Variants in GTF2H5 observed in about 807,000 individuals in gnomAD.
GTF2H5 encodes the protein general transcription factor IIH subunit 5.
A neutral mutation model predicts 7.1 loss-of-function variants in GTF2H5; 5 were observed. The observed-to-expected ratio is 0.71, with a 90% CI of 0.37 to 1.49. The LOEUF is 1.49. Ranked by LOEUF, GTF2H5 falls within the 40% of genes most tolerant of loss-of-function variation. GTF2H5 has a pLI of 0.03. For synonymous variants in GTF2H5, 30 were observed against 31.7 expected, an observed-to-expected ratio of 0.95 and a Z score of 0.18; for missense variants, 80 against 83.0, an observed-to-expected ratio of 0.96 and a Z score of 0.14.
At chr6:158,169,298 T>C (rs1314959832) in intron 1 of GTF2H5, among the ~76,000 whole-genome samples, 7 of 123,210 alleles carry the variant, frequency 5.7e-5, no homozygotes, top group Non-Finnish European at 1.1e-4. Context: ...ATTTATTTTA[T>C]ATATAATATA....
chr6:158,176,260 A>G (rs1228798735), intron 2 of GTF2H5, among the ~76,000 whole-genome samples: 2 of 151,882 alleles, frequency 1.3e-5, no homozygotes, highest in East Asian at 3.9e-4. Flanking sequence ...ACGGAGTCTC[A>G]CTGTCACCCA....
intron 2 of GTF2H5, among the ~76,000 whole-genome samples, chr6:158,185,540 CAAA>C (rs35857314): frequency 2.6e-4 from 21 of 81,490 alleles, no homozygotes; most frequent in Admixed American, 3.1e-4. Context: ...GGCCCTGTCT[CAAA>C]AAAAAAAAAA....
chr6:158,190,387 C>T (rs1193125646), intron 2 of GTF2H5, among the ~76,000 whole-genome samples: 1 of 152,078 alleles, frequency 6.6e-6, no homozygotes, highest in Non-Finnish European at 1.5e-5. Context: ...AGAATTCAAC[C>T]ACTTCTCATC....
chr6:158,188,314 C>T (rs754598512), intron 2 of GTF2H5, among the ~76,000 whole-genome samples: 33 of 152,292 alleles, frequency 2.2e-4, no homozygotes, highest in Non-Finnish European at 4.1e-4. Context: ...CCCTCCCCTT[C>T]TACCTTTATT....
chr6:158,192,100 C>T lies in GTF2H5; in HGVS notation c.159C>T (p.Leu53=), dbSNP rs1452678022. The change falls in exon 3 of 3, where the codon CTC becomes CTT. Residue 53 remains leucine (L), a synonymous_variant. Coordinates refer to ENST00000607778, the MANE Select transcript of GTF2H5 (RefSeq NM_207118.3). ...VFVIAELVNV[L]QERVGELMDQ... ...TAATAGCAGAATTGGTTAATGTCCT[C>T]CAGGAGCGAGTGGGTGAATTAATGG... 3.1e-6 allele frequency: 5 copies of T among 1,613,754 alleles called. No individual in the cohort carries two copies. The African/African-American group carries it at 5.3e-5, about 17-fold the overall frequency.
At position 158,192,904 on chromosome 6, in the gene GTF2H5, T is replaced by TAAAA. The variant is rs1349857230; in HGVS notation, c.*747_*748insAAAA. On this transcript the variant is annotated 3_prime_UTR_variant, in exon 3 of 3. Transcript: ENST00000607778. ...GCCTGGACAACAGAGAGACCCTGCC[T>TAAAA]CAAAAAAAAAAAAAAAAAAAAAAAA... 4.1e-5 allele frequency: 1 copy of TAAAA among 24,542 alleles called. No homozygotes were observed. Among genetic ancestry groups the TAAAA allele is most frequent in the Non-Finnish European group, 6.3e-5 (1 of 15,802 alleles). 1.5% of individuals were successfully genotyped at this position (24,542 alleles called of 1,614,324 possible).
Position 158,169,622 on chromosome 6 carries a change from A to G in GTF2H5, c.-34-848A>G, listed in dbSNP as rs540241375. ...ATTACATATATTGTATATTACATAT[A>G]ATATATTGTATATTACATATATTGT... is the stretch of plus-strand genomic sequence containing the variant. On this transcript the variant is annotated intron_variant, in intron 1 of 2. Coordinates refer to ENST00000607778, the MANE Select transcript of GTF2H5 (RefSeq NM_207118.3). Among the ~76,000 whole-genome samples the G allele has an allele frequency of 2.5e-3, 215 of 85,864 alleles. 11 individuals carry two copies. The highest frequency in any genetic ancestry group is 6.5e-3 in the Middle Eastern group (1 of 154). The allele number at this position is 85,864 out of a possible 152,430, so 56.3% of individuals were successfully genotyped here. A position where few individuals can be genotyped will look rare whatever the true frequency, so the allele number is the denominator to read the frequency against.
intron 2 of GTF2H5, among the ~76,000 whole-genome samples, chr6:158,179,870 C>T (rs1408410278): frequency 2.0e-5 from 3 of 152,102 alleles, no homozygotes; most frequent in Non-Finnish European, 4.4e-5. Context: ...ACTTCCAATA[C>T]TATGTGGAAT....
intron 2 of GTF2H5, chr6:158,190,745 A>G: frequency 5.1e-6 from 2 of 392,034 alleles, no homozygotes; most frequent in Non-Finnish European, 1.0e-5. Flanking sequence ...TACAATTGAT[A>G]TTGACATTTC....
chr6:158,192,141 C>T lies in GTF2H5; in HGVS notation c.200C>T (p.Ser67Phe), dbSNP rs771059970. 3 of 1,612,578 alleles carry T rather than the reference C, an allele frequency of 1.9e-6. No individual in the cohort carries two copies. Among genetic ancestry groups the T allele is most frequent in the East Asian group, 2.2e-5 (1 of 44,872 alleles). The change falls in exon 3 of 3, where the codon TCC becomes TTC. Residue 67 changes from serine to phenylalanine, a missense_variant. Transcript: ENST00000607778. The stretch of plus-strand genomic sequence containing the variant: ...GAATTAATGGACCAAAATGCTTTTT[C>T]CCTTACCCAGAAATGAAAATACTCA... ...VGELMDQNAF[S>F]LTQK is the part of the protein sequence containing the mutation.
chr6:158,179,591 T>C (rs1024729096), intron 2 of GTF2H5, among the ~76,000 whole-genome samples: 2 of 152,234 alleles, frequency 1.3e-5, no homozygotes, highest in African/African-American at 4.8e-5. Flanking sequence ...TATTTTATTC[T>C]GTTAGTAGCA....
intron 1 of GTF2H5, among the ~76,000 whole-genome samples, chr6:158,169,494 A>AC: frequency 1.8e-5 from 1 of 55,758 alleles, no homozygotes; most frequent in East Asian, 7.9e-4. Flanking sequence ...TATATTGTAT[A>AC]TTATATAATA....
At chr6:158,177,695 A>G (rs748062166) in intron 2 of GTF2H5, among the ~76,000 whole-genome samples, 4 of 152,066 alleles carry the variant, frequency 2.6e-5, no homozygotes, top group Non-Finnish European at 5.9e-5. Context: ...TACACTAGGT[A>G]TTTCTCCTAA....
Position 158,192,757 on chromosome 6 carries a change from T to C in GTF2H5, c.*600T>C, listed in dbSNP as rs2128432319. On this transcript the variant is annotated 3_prime_UTR_variant, in exon 3 of 3. Coordinates refer to ENST00000607778, the MANE Select transcript of GTF2H5 (RefSeq NM_207118.3). ...GTTTAGTTTTTCCTTGTTCAAACTT[T>C]GTTGGTCACATTTTCCCATCTGTAT... The C allele has an allele frequency of 6.4e-6, 1 of 155,140 alleles. No homozygotes were observed. Among genetic ancestry groups the C allele is most frequent in the South Asian group, 2.0e-4 (1 of 5,064 alleles). The allele number at this position is 155,140 out of a possible 1,614,324, so 9.6% of individuals were successfully genotyped here.
intron 2 of GTF2H5, among the ~76,000 whole-genome samples, chr6:158,188,838 G>A (rs747724652): frequency 4.6e-5 from 7 of 152,080 alleles, no homozygotes; most frequent in African/African-American, 1.2e-4. Flanking sequence ...CTTATATGCC[G>A]ATTTTTCCTT....
At position 158,169,446 on chromosome 6, in the gene GTF2H5, T is replaced by TA. The variant is rs1785734335; in HGVS notation, c.-34-1024_-34-1023insA. Among the ~76,000 whole-genome samples the TA allele has an allele frequency of 7.0e-5, 4 of 57,074 alleles. 1 individual carries two copies. In the East Asian group the frequency reaches 2.9e-3, roughly 42 times the overall value. The allele number at this position is 57,074 out of a possible 152,430, so 37.4% of individuals were successfully genotyped here. A position where few individuals can be genotyped will look rare whatever the true frequency, so the allele number is the denominator to read the frequency against. ...TATAATATATTGTATATTATATATA[T>TA]TATATATTATATATATTATATTGTA... is the stretch of plus-strand genomic sequence containing the variant. On this transcript the variant is annotated intron_variant, in intron 1 of 2. Transcript: ENST00000607778.
chr6:158,170,245 G>A (rs1785836334), intron 1 of GTF2H5, among the ~76,000 whole-genome samples: 1 of 152,036 alleles, frequency 6.6e-6, no homozygotes, highest in Non-Finnish European at 1.5e-5. Context: ...ATTGACCTTG[G>A]GTAGAATTGG....
chr6:158,176,252 G>C (rs185479210), intron 2 of GTF2H5, among the ~76,000 whole-genome samples: 1 of 150,776 alleles, frequency 6.6e-6, no homozygotes, highest in Admixed American at 6.6e-5. Context: ...TTTTTGAAAC[G>C]GAGTCTCACT....
At chr6:158,179,504 C>G (rs1322492976) in intron 2 of GTF2H5, among the ~76,000 whole-genome samples, 3 of 152,082 alleles carry the variant, frequency 2.0e-5, no homozygotes, top group Non-Finnish European at 4.4e-5. Context: ...CCTTTGTGTC[C>G]TCTCTTATTT....
Sources: gnomAD v4.1 joint callset for allele counts (sites outside exome capture counted in the v4.1 genomes callset) on GRCh38, gnomAD v4.1.1 for gene constraint, MANE v1.5 for transcripts, NCBI Gene and HGNC (gene_info 2026-07-23, HGNC 2026-07-21) for gene names.